The following COL25A1 variants were observed in gnomAD, a reference collection of about 807,000 sequenced individuals.
COL25A1 encodes collagen alpha-1(XXV) chain.
In COL25A1, 103 loss-of-function variants were observed where a neutral mutation model predicts 128.4. That is an observed-to-expected ratio of 0.80 (90% CI 0.68 to 0.94). COL25A1 has a LOEUF of 0.94. Among genes scored for constraint, COL25A1 ranks in the 40% least tolerant of loss-of-function variants. The pLI, the probability that COL25A1 is intolerant of heterozygous loss-of-function variation, is 0.00. For missense variants in COL25A1, 745 were observed against 840.0 expected (o/e 0.89, Z 1.40); for synonymous variants, 279 against 277.2 (o/e 1.01, Z -0.06).
At position 109,301,816 on chromosome 4, in the gene COL25A1, G is replaced by C. The variant is rs34727311; in HGVS notation, c.204C>G (p.Ser68=). 2.5e-6 allele frequency: 4 copies of C among 1,614,252 alleles called. No homozygotes were observed. The South Asian group carries it at 4.4e-5, about 18-fold the overall frequency. The change falls in exon 2 of 38, where the codon TCC becomes TCG. Residue 68 remains serine, a synonymous_variant. Transcript: ENST00000399132. The part of the protein sequence containing the change: ...DLQARIAALE[S]AKGAPSIHLL... The stretch of plus-strand genomic sequence containing the variant: ...GATGAATGGAAGGGGCCCCTTTGGC[G>C]GATTCGAGAGCGGCGATCCTCGCCT...
At chr4:108,839,109 G>A (rs889892526) in intron 31 of COL25A1, among the ~76,000 whole-genome samples, 3 of 152,154 alleles carry the variant, frequency 2.0e-5, no homozygotes, top group African/African-American at 7.2e-5. Context: ...CATGGCAGAA[G>A]GGGTTTTTAA....
In COL25A1 at chr4:108,813,591, G is replaced by T. The variant is rs2125700433; in HGVS notation, c.*336C>A. ...ACCATTTCATGTAAACTATTTCATG[G>T]CACTTTTTGTCCATGCAATTAGCAA... On this transcript the variant is annotated 3_prime_UTR_variant, in exon 38 of 38. Coordinates refer to ENST00000399132, the MANE Select transcript of COL25A1 (RefSeq NM_198721.4). 1 of 250,338 alleles carries T rather than the reference G, an allele frequency of 4.0e-6. No homozygotes were observed. The highest frequency in any genetic ancestry group is 7.7e-6 in the Non-Finnish European group (1 of 130,214). The allele number at this position is 250,338 out of a possible 1,614,324, so 15.5% of individuals were successfully genotyped here.
At chr4:108,845,511 T>C (rs914961422) in intron 28 of COL25A1, among the ~76,000 whole-genome samples, 3 of 152,184 alleles carry the variant, frequency 2.0e-5, no homozygotes, top group Admixed American at 6.5e-5. Flanking sequence ...AGACCTACAG[T>C]GTTAAATACA....
chr4:108,833,914 G>A (rs1733463371), intron 31 of COL25A1, among the ~76,000 whole-genome samples: 1 of 152,170 alleles, frequency 6.6e-6, no homozygotes, highest in Non-Finnish European at 1.5e-5. Context: ...TAGTGCCAAG[G>A]AAGAAGTTAC....
At chr4:108,923,549 T>C (rs1727415502) in intron 11 of COL25A1, among the ~76,000 whole-genome samples, 1 of 152,152 alleles carries the variant, frequency 6.6e-6, no homozygotes, top group Non-Finnish European at 1.5e-5. Context: ...TTTTGCTATA[T>C]TGCCCAGGCT....
intron 5 of COL25A1, among the ~76,000 whole-genome samples, chr4:109,041,535 C>G (rs914865763): frequency 9.3e-6 from 1 of 107,412 alleles, no homozygotes; most frequent in East Asian, 3.5e-4. Context: ...CTTTTTACTT[C>G]TTCAGAATTA....
rs546526249 is a variant in COL25A1, at chr4:109,178,089, T to A, written c.367+122494A>T. On this transcript the variant is annotated intron_variant, in intron 3 of 37. Coordinates refer to ENST00000399132, the MANE Select transcript of COL25A1 (RefSeq NM_198721.4). ...ACTTTAATTTCTTGCCCTAATTCAG[T>A]TATCTACTTAAATAAGTTTAAATAA... Among the ~76,000 whole-genome samples, 165 of 152,360 alleles carry A rather than the reference T, an allele frequency of 1.1e-3. 2 individuals are homozygous for A. The highest frequency in any genetic ancestry group is 3.4e-3 in the Middle Eastern group (1 of 294).
chr4:108,901,978 T>C (rs1425248512), intron 13 of COL25A1, among the ~76,000 whole-genome samples: 3 of 152,070 alleles, frequency 2.0e-5, no homozygotes, highest in Non-Finnish European at 2.9e-5. Context: ...ATTAGAATTC[T>C]GTTCTCATTT....
intron 3 of COL25A1, among the ~76,000 whole-genome samples, chr4:109,072,406 T>A (rs1763044113): frequency 6.6e-6 from 1 of 152,224 alleles, no homozygotes; most frequent in African/African-American, 2.4e-5. Flanking sequence ...TTTGTATGGA[T>A]GAGTTTTGAG....
At chr4:109,059,852 T>A (rs966575981) in intron 3 of COL25A1, among the ~76,000 whole-genome samples, 1 of 152,206 alleles carries the variant, frequency 6.6e-6, no homozygotes, top group Non-Finnish European at 1.5e-5. Flanking sequence ...CATAGTTAAA[T>A]GTTAAATGGA....
At chr4:109,202,939 GAA>G (rs1408202673) in intron 3 of COL25A1, among the ~76,000 whole-genome samples, 2 of 152,082 alleles carry the variant, frequency 1.3e-5, no homozygotes, top group East Asian at 3.9e-4. Context: ...CCAGGGGAGA[GAA>G]AGAGAGAAGC....
chr4:109,079,665 C>A (rs947433144), intron 3 of COL25A1, among the ~76,000 whole-genome samples: 3 of 152,024 alleles, frequency 2.0e-5, no homozygotes, highest in Non-Finnish European at 4.4e-5. Context: ...AATTGAATCT[C>A]TTCACTGCAA....
intron 28 of COL25A1, among the ~76,000 whole-genome samples, chr4:108,845,826 T>G (rs1296052307): frequency 6.6e-6 from 1 of 152,168 alleles, no homozygotes; most frequent in African/African-American, 2.4e-5. Flanking sequence ...ATGGTTTATT[T>G]TACAATAACC....
chr4:109,206,935 G>A (rs1231897410), intron 3 of COL25A1, among the ~76,000 whole-genome samples: 6 of 152,124 alleles, frequency 3.9e-5, no homozygotes, highest in Admixed American at 2.6e-4. Flanking sequence ...CCAAATGAAC[G>A]TCTTTTAGTT....
chr4:108,836,304 G>A (rs1316519582), intron 31 of COL25A1, among the ~76,000 whole-genome samples: 1 of 152,144 alleles, frequency 6.6e-6, no homozygotes, highest in Non-Finnish European at 1.5e-5. Context: ...TTAAAAAAGG[G>A]CAGACTTTAA....
intron 11 of COL25A1, among the ~76,000 whole-genome samples, chr4:108,936,256 CA>C (rs1332529704): frequency 6.6e-6 from 1 of 152,000 alleles, no homozygotes; most frequent in Non-Finnish European, 1.5e-5. Context: ...CTTTTTTAAA[CA>C]AAAACCATTA....
intron 3 of COL25A1, among the ~76,000 whole-genome samples, chr4:109,297,327 A>G (rs1725070296): frequency 6.6e-6 from 1 of 152,104 alleles, no homozygotes; most frequent in Admixed American, 6.6e-5. Context: ...TAGGCTATTT[A>G]AAATTGAAAA....
rs894420136 is a variant in COL25A1, at chr4:108,905,520, AAAAAAT to A, written c.781-4354_781-4349del. Reference sequence around the variant, plus strand: ...CCCTAAAACTTAAAGTATAATAATAAAAAAATAAAAATAAAAATAATAATAATAATA... The same window carrying A: ...CCCTAAAACTTAAAGTATAATAATAAAAAAATAAAAATAATAATAATAATA... On this transcript the variant is annotated intron_variant, in intron 13 of 37. Coordinates refer to ENST00000399132, the MANE Select transcript of COL25A1 (RefSeq NM_198721.4). Among the ~76,000 whole-genome samples, 6 of 150,734 alleles carry A rather than the reference AAAAAAT, an allele frequency of 4.0e-5. No individual in the cohort carries two copies. In the East Asian group the frequency reaches 5.8e-4, roughly 15 times the overall value.
chr4:109,137,443 C>CT (rs1769897945), intron 3 of COL25A1, among the ~76,000 whole-genome samples: 1 of 152,226 alleles, frequency 6.6e-6, no homozygotes, highest in South Asian at 2.1e-4. Flanking sequence ...TTTTTAAACA[C>CT]TGTAGACGCT....
Sources: gnomAD v4.1 joint callset for allele counts (sites outside exome capture counted in the v4.1 genomes callset) on GRCh38, gnomAD v4.1.1 for gene constraint, MANE v1.5 for transcripts, NCBI Gene and HGNC (gene_info 2026-07-23, HGNC 2026-07-21) for gene names.